DOCK3: variants seen among roughly 807,000 people sequenced by gnomAD.
DOCK3 encodes the protein dedicator of cytokinesis 3.
A neutral mutation model predicts 265.6 loss-of-function variants in DOCK3; 60 were observed. That is an observed-to-expected ratio of 0.23 (90% CI 0.18 to 0.28). The LOEUF (loss-of-function observed/expected upper bound fraction) is 0.28. DOCK3 is among the 10% of genes least tolerant of loss of function. The pLI, the probability that DOCK3 is intolerant of heterozygous loss-of-function variation, is 1.00. For missense variants in DOCK3, 1,981 were observed against 2,594.3 expected, an observed-to-expected ratio of 0.76 and a Z score of 5.14; for synonymous variants, 881 against 938.0, an observed-to-expected ratio of 0.94 and a Z score of 1.11.
At chr3:51,354,230 C>A (rs1178354758) in intron 40 of DOCK3, among the ~76,000 whole-genome samples, 1 of 151,356 alleles carries the variant, frequency 6.6e-6, no homozygotes, top group Non-Finnish European at 1.5e-5. Flanking sequence ...ACCCCCCCCC[C>A]ATTTAAAATT....
At chr3:50,682,937 A>T (rs1429222913) in intron 1 of DOCK3, among the ~76,000 whole-genome samples, 1 of 152,208 alleles carries the variant, frequency 6.6e-6, no homozygotes, top group East Asian at 1.9e-4. Flanking sequence ...AGACTCTGTG[A>T]TCCTCCCAAA....
At position 50,951,071 on chromosome 3, in the gene DOCK3, A is replaced by G. The variant is rs550215355; in HGVS notation, c.315+16994A>G. On this transcript the variant is annotated intron_variant, in intron 5 of 52. Coordinates refer to ENST00000266037, the MANE Select transcript of DOCK3 (RefSeq NM_004947.5). ...ACTCTGAAAGGGTTTTCTTCCCTCT[A>G]TTAAGAAGTAGCCCTCATTTATTGA... Among the ~76,000 whole-genome samples, 33 of 152,258 alleles carry G rather than the reference A, an allele frequency of 2.2e-4. No homozygotes were observed. The South Asian group carries it at 6.6e-3, about 31-fold the overall frequency.
chr3:51,294,332 A>G (rs1486606461), intron 27 of DOCK3, among the ~76,000 whole-genome samples: 2 of 152,180 alleles, frequency 1.3e-5, no homozygotes, highest in Non-Finnish European at 2.9e-5. Context: ...AGTGAAGTAA[A>G]CCAGGAACAG....
chr3:51,277,524 G>C (rs1486889490), intron 25 of DOCK3, 84 bp from the exon 26 acceptor site: 7 of 1,460,092 alleles, frequency 4.8e-6, no homozygotes, highest in Non-Finnish European at 6.3e-6. Context: ...GACTACTGCT[G>C]ATGTGGCTGA....
rs548665459 is a variant in DOCK3, at chr3:50,935,465, G to T, written c.315+1388G>T. On this transcript the variant is annotated intron_variant, in intron 5 of 52. Coordinates refer to ENST00000266037, the MANE Select transcript of DOCK3 (RefSeq NM_004947.5). ...CCCCCTACCCTATAGTAATGAAGTG[G>T]TGCCCCACCTCAGTGGAATATGAAG... Among the ~76,000 whole-genome samples, 7 of 152,278 alleles carry T rather than the reference G, an allele frequency of 4.6e-5. No homozygotes were observed. In the South Asian group the frequency reaches 1.4e-3, roughly 32 times the overall value.
chr3:51,223,254 T>G (rs1488656677), intron 14 of DOCK3, among the ~76,000 whole-genome samples: 1 of 152,164 alleles, frequency 6.6e-6, no homozygotes, highest in African/African-American at 2.4e-5. Context: ...TAGTTTTATA[T>G]TAGTATTTTA....
chr3:51,284,257 G>A (rs1000860222), intron 27 of DOCK3, among the ~76,000 whole-genome samples: 1 of 152,006 alleles, frequency 6.6e-6, no homozygotes, highest in African/African-American at 2.4e-5. Context: ...AAAAAAAATT[G>A]CAGTTTTATG....
chr3:50,747,427 G>T (rs548064173), intron 1 of DOCK3, among the ~76,000 whole-genome samples: 3 of 152,248 alleles, frequency 2.0e-5, no homozygotes, highest in African/African-American at 7.2e-5. Context: ...GGAGTCTTTT[G>T]ACCAAGGTAC....
intron 1 of DOCK3, among the ~76,000 whole-genome samples, chr3:50,699,658 G>A (rs904480992): frequency 7.2e-5 from 11 of 151,914 alleles, no homozygotes; most frequent in African/African-American, 2.7e-4. Flanking sequence ...GCACCATATG[G>A]CAACTGGTCA....
rs577638589 is a variant in DOCK3, at chr3:51,319,770, C to T, written c.3402+4642C>T. On this transcript the variant is annotated intron_variant, in intron 32 of 52. Transcript: ENST00000266037. ...GTCCTAGCTACTCAAGAGGCTGAGG[C>T]AGGATAATCGCTTGAACCTGGGAGG... 3.3e-5 allele frequency among the ~76,000 whole-genome samples: 5 copies of T among 151,820 alleles called. No individual in the cohort carries two copies. The East Asian group carries it at 9.7e-4, about 30-fold the overall frequency.
chr3:51,227,350 G>A lies in DOCK3; in HGVS notation c.1445G>A (p.Ser482Asn). 1 of 1,613,988 alleles carries A rather than the reference G, an allele frequency of 6.2e-7. No individual in the cohort carries two copies. Among genetic ancestry groups the A allele is most frequent in the Non-Finnish European group, 8.5e-7 (1 of 1,179,888 alleles). The change falls in exon 16 of 53, where the codon AGT (serine) becomes AAT (asparagine). Residue 482 changes from serine (S) to asparagine (N), a missense_variant. Transcript: ENST00000266037. ...TACCACTCCTTTGTCCTCTACCACA[G>A]TAATAGTCCTCGCTGGGGAGAAATT... Reference protein sequence around the residue: ...SSYHSFVLYHSNSPRWGEIIK... With the variant: ...SSYHSFVLYHNNSPRWGEIIK...
At chr3:50,744,682 G>A (rs1264114686) in intron 1 of DOCK3, among the ~76,000 whole-genome samples, 3 of 152,118 alleles carry the variant, frequency 2.0e-5, no homozygotes, top group African/African-American at 7.2e-5. Context: ...CGATCTGCCC[G>A]CCTTGGCCTC....
intron 12 of DOCK3, among the ~76,000 whole-genome samples, chr3:51,190,385 G>A (rs1391223749): frequency 6.6e-6 from 1 of 152,174 alleles, no homozygotes; most frequent in African/African-American, 2.4e-5. Context: ...GGGTGGCAGA[G>A]GAGTGATGTA....
chr3:51,227,223 C>A, intron 15 of DOCK3, 60 bp from the exon 16 acceptor site: 1 of 1,583,766 alleles, frequency 6.3e-7, no homozygotes, highest in East Asian at 2.2e-5. Flanking sequence ...GTCCTAGTGA[C>A]ACAGAAATCC....
chr3:51,124,383 T>C (rs1375933512), intron 9 of DOCK3, among the ~76,000 whole-genome samples: 2 of 152,154 alleles, frequency 1.3e-5, no homozygotes, highest in African/African-American at 4.8e-5. Flanking sequence ...ACTTGAAATG[T>C]GGCTAATGTG....
At chr3:50,718,947 C>G (rs1191006501) in intron 1 of DOCK3, among the ~76,000 whole-genome samples, 1 of 151,904 alleles carries the variant, frequency 6.6e-6, no homozygotes, top group Non-Finnish European at 1.5e-5. Flanking sequence ...CCATGCCCGG[C>G]TAATTTTTTG....
At chr3:51,352,368 A>T (rs963131527) in intron 40 of DOCK3, among the ~76,000 whole-genome samples, 2 of 152,166 alleles carry the variant, frequency 1.3e-5, no homozygotes, top group Non-Finnish European at 2.9e-5. Flanking sequence ...GGAATGCTCC[A>T]TCGTAGTCCA....
At chr3:51,277,279 T>C (rs2080866208) in intron 25 of DOCK3, among the ~76,000 whole-genome samples, 1 of 152,240 alleles carries the variant, frequency 6.6e-6, no homozygotes, top group Non-Finnish European at 1.5e-5. Flanking sequence ...CTGACTATTC[T>C]AGGGAAATCA....
At chr3:51,222,064 G>A (rs1300775753) in intron 14 of DOCK3, among the ~76,000 whole-genome samples, 1 of 152,214 alleles carries the variant, frequency 6.6e-6, no homozygotes, top group Non-Finnish European at 1.5e-5. Flanking sequence ...ATTTCAAGGT[G>A]TGAGTGCTAG....
Sources: allele counts gnomAD v4.1 joint callset (sites outside exome capture counted in the v4.1 genomes callset), GRCh38; gene constraint gnomAD v4.1.1; transcripts MANE v1.5; gene names NCBI Gene and HGNC (gene_info 2026-07-23, HGNC 2026-07-21).